Variants in CNTNAP2 observed in about 807,000 individuals in gnomAD.
CNTNAP2 encodes the protein contactin-associated protein-like 2.
CNTNAP2 carries 98 observed loss-of-function variants against 155.2 expected under a neutral mutation model. The observed-to-expected ratio is 0.63, with a 90% CI of 0.54 to 0.75. The LOEUF (loss-of-function observed/expected upper bound fraction) is 0.75, where lower values mean the gene tolerates loss of function less well. Ranked by LOEUF, CNTNAP2 falls within the 30% of genes least tolerant of loss-of-function variation. The probability of loss-of-function intolerance (pLI) is 0.00; values close to 1 mark genes in which losing one functional copy is unlikely to be tolerated. For synonymous variants in CNTNAP2, 651 were observed against 631.2 expected (o/e 1.03, Z -0.47); for missense variants, 1,727 against 1,688.1 (o/e 1.02, Z -0.40).
At chr7:147,761,543 A>T (rs1797298364) in intron 13 of CNTNAP2, among the ~76,000 whole-genome samples, 1 of 152,146 alleles carries the variant, frequency 6.6e-6, no homozygotes, top group Admixed American at 6.6e-5. Context: ...CCATTAATTC[A>T]TCCAACCCTT....
At chr7:147,175,778 T>G (rs1802326926) in intron 8 of CNTNAP2, among the ~76,000 whole-genome samples, 1 of 152,186 alleles carries the variant, frequency 6.6e-6, no homozygotes, top group South Asian at 2.1e-4. Context: ...GGTATCTGTG[T>G]TCATCATGGT....
At chr7:146,169,019 G>C (rs572484378) in intron 1 of CNTNAP2, among the ~76,000 whole-genome samples, 1 of 152,166 alleles carries the variant, frequency 6.6e-6, no homozygotes, top group East Asian at 1.9e-4. Context: ...TGTCATATTT[G>C]AACCTCAGGA....
intron 12 of CNTNAP2, among the ~76,000 whole-genome samples, chr7:147,606,173 A>T (rs1375669043): frequency 6.6e-6 from 1 of 152,188 alleles, no homozygotes; most frequent in African/African-American, 2.4e-5. Flanking sequence ...TAATAATAGA[A>T]ACTCAGAAGC....
intron 1 of CNTNAP2, among the ~76,000 whole-genome samples, chr7:146,749,451 T>C (rs1801866101): frequency 1.3e-5 from 2 of 152,184 alleles, no homozygotes; most frequent in Non-Finnish European, 2.9e-5. Flanking sequence ...TATCTTATGA[T>C]AATTTAAACT....
intron 13 of CNTNAP2, among the ~76,000 whole-genome samples, chr7:147,678,655 C>A (rs367794430): frequency 1.5e-4 from 23 of 152,020 alleles, no homozygotes; most frequent in African/African-American, 5.3e-4. Context: ...TTCTCATATA[C>A]ACATTATAAT....
chr7:147,880,633 A>G (rs1188254255), intron 13 of CNTNAP2, among the ~76,000 whole-genome samples: 1 of 152,160 alleles, frequency 6.6e-6, no homozygotes, highest in African/African-American at 2.4e-5. Context: ...AGACTAACAG[A>G]AATAGCAACC....
At chr7:147,768,130 A>G (rs935062445) in intron 13 of CNTNAP2, among the ~76,000 whole-genome samples, 3 of 152,150 alleles carry the variant, frequency 2.0e-5, no homozygotes, top group African/African-American at 4.8e-5. Context: ...TTTTGGTATC[A>G]AAAGGTTTTT....
intron 11 of CNTNAP2, among the ~76,000 whole-genome samples, chr7:147,536,418 A>C (rs970086290): frequency 6.6e-6 from 1 of 152,186 alleles, no homozygotes; most frequent in Non-Finnish European, 1.5e-5. Flanking sequence ...AATTTCATGA[A>C]GAAAAACAAA....
intron 9 of CNTNAP2, among the ~76,000 whole-genome samples, chr7:147,376,987 TC>T (rs1161500768): frequency 6.6e-6 from 1 of 151,972 alleles, no homozygotes; most frequent in Non-Finnish European, 1.5e-5. Context: ...TTTTCTTAGT[TC>T]CTGTGTGTTA....
chr7:146,451,908 A>T (rs940217509), intron 1 of CNTNAP2, among the ~76,000 whole-genome samples: 15 of 147,394 alleles, frequency 1.0e-4, no homozygotes, highest in African/African-American at 2.7e-4. Flanking sequence ...TTTATTTATT[A>T]TTTATTTATT....
intron 1 of CNTNAP2, among the ~76,000 whole-genome samples, chr7:146,742,652 A>G (rs1482408092): frequency 1.3e-5 from 2 of 152,176 alleles, no homozygotes; most frequent in Non-Finnish European, 2.9e-5. Context: ...TTCAGAGGGA[A>G]TGAAGAAGAT....
In CNTNAP2 at chr7:146,593,148, G is replaced by A. The variant is rs145898606; in HGVS notation, c.98-181123G>A. Reference sequence around the variant, plus strand: ...GGGGTATAGTTACCCTGTTTACTATGTTTATTATTATTATTATTAATATTA... The same window carrying A: ...GGGGTATAGTTACCCTGTTTACTATATTTATTATTATTATTATTAATATTA... On this transcript the variant is annotated intron_variant, in intron 1 of 23. Coordinates refer to ENST00000361727, the MANE Select transcript of CNTNAP2 (RefSeq NM_014141.6). Among the ~76,000 whole-genome samples, 307 of 150,962 alleles carry A rather than the reference G, an allele frequency of 2.0e-3. 2 individuals are homozygous for A. The highest frequency in any genetic ancestry group is 5.7e-3 in the African/African-American group (236 of 41,186).
intron 9 of CNTNAP2, among the ~76,000 whole-genome samples, chr7:147,365,179 G>T (rs925646252): frequency 1.3e-4 from 20 of 151,858 alleles, no homozygotes; most frequent in Middle Eastern, 3.4e-3. Context: ...AGAGGCAGGC[G>T]AATCACCTGA....
At chr7:147,120,581 A>AT (rs1003173603) in intron 5 of CNTNAP2, among the ~76,000 whole-genome samples, 1 of 151,952 alleles carries the variant, frequency 6.6e-6, no homozygotes, top group Non-Finnish European at 1.5e-5. Context: ...AACATAAAGT[A>AT]TTTTTTTACT....
At chr7:146,989,351 T>C (rs1280583913) in intron 3 of CNTNAP2, among the ~76,000 whole-genome samples, 1 of 152,042 alleles carries the variant, frequency 6.6e-6, no homozygotes, top group Non-Finnish European at 1.5e-5. Context: ...GGACTGAGGC[T>C]TTTGTCTCCA....
chr7:148,308,742 A>C, intron 21 of CNTNAP2, among the ~76,000 whole-genome samples: 1 of 147,552 alleles, frequency 6.8e-6, no homozygotes, highest in Non-Finnish European at 1.5e-5. Context: ...CCACCCCCCA[A>C]TAGGCCCCGG....
intron 10 of CNTNAP2, among the ~76,000 whole-genome samples, chr7:147,407,617 A>G (rs571767213): frequency 2.4e-4 from 37 of 152,136 alleles, no homozygotes; most frequent in Middle Eastern, 6.9e-3. Context: ...GAGAAAACCA[A>G]AAGTTACAGG....
intron 13 of CNTNAP2, among the ~76,000 whole-genome samples, chr7:147,861,159 C>T (rs4726893): frequency 0.6 from 90,708 of 151,992 alleles, 27,341 homozygotes; most frequent in Middle Eastern, 0.7. Context: ...AAGAACTAAG[C>T]TTCTACTCCC....
At chr7:146,405,114 G>A (rs1233151439) in intron 1 of CNTNAP2, among the ~76,000 whole-genome samples, 1 of 152,152 alleles carries the variant, frequency 6.6e-6, no homozygotes, top group East Asian at 1.9e-4. Context: ...TCTGGTGCAC[G>A]AAGCTGACAA....
Sources: gnomAD v4.1 joint callset for allele counts (sites outside exome capture counted in the v4.1 genomes callset) on GRCh38, gnomAD v4.1.1 for gene constraint, MANE v1.5 for transcripts, NCBI Gene and HGNC (gene_info 2026-07-23, HGNC 2026-07-21) for gene names.